The following EHF variants were observed in gnomAD, a reference collection of about 807,000 sequenced individuals.
EHF encodes the protein ETS homologous factor.
A neutral mutation model predicts 45.1 loss-of-function variants in EHF; 14 were observed. That is an observed-to-expected ratio of 0.31 (90% confidence interval 0.21 to 0.49). The LOEUF (loss-of-function observed/expected upper bound fraction) is 0.49, where lower values mean the gene tolerates loss of function less well. Among genes scored for constraint, EHF ranks in the 20% least tolerant of loss-of-function variants. EHF has a pLI of 0.99. For synonymous variants in EHF, 136 were observed against 131.8 expected (o/e 1.03, Z -0.22); for missense variants, 282 against 371.4 (o/e 0.76, Z 1.98).
rs761503844 is a variant in EHF at position 34,658,974 on chromosome 11, A to C, written c.*43A>C. The C allele has an allele frequency of 6.9e-7, 1 of 1,453,976 alleles. No individual in the cohort carries two copies. Among genetic ancestry groups the C allele is most frequent in the Non-Finnish European group, 9.5e-7 (1 of 1,055,836 alleles). The allele number at this position is 1,453,976 out of a possible 1,614,324, so 90.1% of individuals were successfully genotyped here. ...ACACAAACCAAAACACACACCAAAT[A>C]ATCAGAAACAAAGAACTCCTGGACG... On this transcript the variant is annotated 3_prime_UTR_variant, in exon 9 of 9. Coordinates refer to ENST00000257831, the MANE Select transcript of EHF (RefSeq NM_012153.6).
intron 4 of EHF, among the ~76,000 whole-genome samples, chr11:34,650,100 G>T (rs1854991033): frequency 6.6e-6 from 1 of 152,218 alleles, no homozygotes; most frequent in Non-Finnish European, 1.5e-5. Context: ...ATGGATGCAG[G>T]ACTTGGTCAG....
At chr11:34,638,788 G>C (rs896059057) in intron 1 of EHF, among the ~76,000 whole-genome samples, 26 of 152,152 alleles carry the variant, frequency 1.7e-4, no homozygotes, top group Admixed American at 2.0e-4. Context: ...CCCCATCCGA[G>C]GTTCCTGCCT....
chr11:34,645,341 G>T (rs1047586985), intron 2 of EHF, among the ~76,000 whole-genome samples: 1 of 152,108 alleles, frequency 6.6e-6, no homozygotes, highest in Non-Finnish European at 1.5e-5. Context: ...TCTTGTGAAT[G>T]TACCATCTTT....
chr11:34,649,046 C>G lies in EHF; in HGVS notation c.371C>G (p.Ser124Cys), dbSNP rs1854871116. 1 of 1,613,872 alleles carries G rather than the reference C, an allele frequency of 6.2e-7. No homozygotes were observed. Among genetic ancestry groups the G allele is most frequent in the African/African-American group, 1.3e-5 (1 of 74,896 alleles). The stretch of plus-strand genomic sequence containing the variant: ...CAGTGCAGTAGTGACCTGTTCCAGT[C>G]CACACACAATGTCATTGTCAAGACT... The part of the protein sequence containing the change: ...NGQCSSDLFQ[S>C]THNVIVKTEQ... Residue 124 changes from serine to cysteine, a missense_variant, in exon 4 of 9, where the codon TCC (serine) becomes TGC (cysteine). Coordinates refer to ENST00000257831, the MANE Select transcript of EHF (RefSeq NM_012153.6).
intron 3 of EHF, among the ~76,000 whole-genome samples, chr11:34,647,278 G>A (rs1331707611): frequency 6.6e-6 from 1 of 152,188 alleles, no homozygotes; most frequent in Non-Finnish European, 1.5e-5. Context: ...CTAGACACGT[G>A]TATGGGGAAT....
At chr11:34,653,294 C>T (rs757064640) in intron 6 of EHF, among the ~76,000 whole-genome samples, 1 of 152,078 alleles carries the variant, frequency 6.6e-6, no homozygotes, top group African/African-American at 2.4e-5. Context: ...TTGAGGCACC[C>T]GGGAAACAAA....
rs1854590478 is a variant in EHF, at chr11:34,646,756, A to T, written c.343+72A>T. ...TGGAAGAATAGAGATTCTGCAGATG[A>T]CAGGATTCTTTGTCAGGGACAAGAA... is the stretch of plus-strand genomic sequence containing the variant. On this transcript the variant is annotated intron_variant, in intron 3 of 8. Transcript: ENST00000257831. 2.5e-6 allele frequency: 4 copies of T among 1,575,432 alleles called. No homozygotes were observed. The East Asian group carries it at 8.9e-5, about 35-fold the overall frequency.
chr11:34,641,407 T>TC (rs1267069843), intron 1 of EHF, among the ~76,000 whole-genome samples: 1 of 151,998 alleles, frequency 6.6e-6, no homozygotes, highest in African/African-American at 2.4e-5. Flanking sequence ...ACCCCTCTTC[T>TC]CCCCCAATAG....
chr11:34,645,676 C>T (rs1039371562), intron 2 of EHF, among the ~76,000 whole-genome samples: 3 of 152,022 alleles, frequency 2.0e-5, no homozygotes, highest in Middle Eastern at 3.2e-3. Context: ...GGTCAGAGTT[C>T]GAAAGATGGG....
intron 1 of EHF, among the ~76,000 whole-genome samples, chr11:34,638,877 T>C (rs1853709968): frequency 6.6e-6 from 1 of 152,160 alleles, no homozygotes; most frequent in Non-Finnish European, 1.5e-5. Flanking sequence ...TCACTTAGGC[T>C]CTGAACTGGG....
Position 34,646,715 on chromosome 11 carries a change from C to T in EHF, c.343+31C>T, listed in dbSNP as rs758373295. 8 of 1,602,182 alleles carry T rather than the reference C, an allele frequency of 5.0e-6. No homozygotes were observed. In the East Asian group the frequency reaches 1.8e-4, roughly 36 times the overall value. On this transcript the variant is annotated intron_variant, in intron 3 of 8. Transcript: ENST00000257831. ...TCTCTCTTTCTGTGTCTCTCCCTACCCTGCTAGGAGCCAGCTGGAAGAATA... is the reference window on the plus strand; with the variant it reads ...TCTCTCTTTCTGTGTCTCTCCCTACTCTGCTAGGAGCCAGCTGGAAGAATA...
intron 4 of EHF, among the ~76,000 whole-genome samples, chr11:34,650,489 C>A (rs1007738212): frequency 4.6e-5 from 7 of 152,138 alleles, no homozygotes; most frequent in African/African-American, 1.7e-4. Flanking sequence ...GAGGACTTAG[C>A]CAGTAAGTCA....
chr11:34,625,380 T>C (rs1232242892), intron 1 of EHF, among the ~76,000 whole-genome samples: 2 of 152,204 alleles, frequency 1.3e-5, no homozygotes, highest in South Asian at 4.1e-4. Context: ...GTGTCTTCTA[T>C]AAAACGCCAA....
Position 34,659,784 on chromosome 11 carries a change from C to G in EHF, c.*853C>G, listed in dbSNP as rs1462112271. 2.6e-5 allele frequency: 4 copies of G among 152,136 alleles called. No individual in the cohort carries two copies. The highest frequency in any genetic ancestry group is 5.9e-5 in the Non-Finnish European group (4 of 68,018). The allele number at this position is 152,136 out of a possible 1,614,324, so 9.4% of individuals were successfully genotyped here. ...GGCTGAAGAGTTTGCTCTTGTATCC[C>G]TATAGTCCAAGGTTTCTCAATCTGC... is the stretch of plus-strand genomic sequence containing the variant. On this transcript the variant is annotated 3_prime_UTR_variant, in exon 9 of 9. Transcript: ENST00000257831.
At chr11:34,652,092 C>G (rs1855228584) in intron 6 of EHF, among the ~76,000 whole-genome samples, 1 of 152,150 alleles carries the variant, frequency 6.6e-6, no homozygotes, top group South Asian at 2.1e-4. Context: ...AAAACTTACT[C>G]TTGCAATATA....
intron 1 of EHF, among the ~76,000 whole-genome samples, chr11:34,628,873 C>T (rs1353721982): frequency 6.6e-6 from 1 of 152,168 alleles, no homozygotes; most frequent in Non-Finnish European, 1.5e-5. Flanking sequence ...CACGGGGCCC[C>T]ATGCTTAGAA....
chr11:34,623,739 C>T (rs189225808), intron 1 of EHF, among the ~76,000 whole-genome samples: 4 of 152,292 alleles, frequency 2.6e-5, no homozygotes, highest in African/African-American at 4.8e-5. Flanking sequence ...TGGAATCTTG[C>T]GATATTTTAT....
chr11:34,635,344 G>A (rs780071195), intron 1 of EHF, among the ~76,000 whole-genome samples: 3 of 151,906 alleles, frequency 2.0e-5, no homozygotes, highest in Non-Finnish European at 2.9e-5. Flanking sequence ...GCTGAGCAGA[G>A]CCTCCTGGGT....
chr11:34,628,472 A>G (rs1319077339), intron 1 of EHF, among the ~76,000 whole-genome samples: 2 of 152,218 alleles, frequency 1.3e-5, no homozygotes, highest in East Asian at 3.8e-4. Flanking sequence ...CACCTCATTT[A>G]CAGCATTCTC....
Sources: gnomAD v4.1 joint callset for allele counts (sites outside exome capture counted in the v4.1 genomes callset) on GRCh38, gnomAD v4.1.1 for gene constraint, MANE v1.5 for transcripts, NCBI Gene and HGNC (gene_info 2026-07-23, HGNC 2026-07-21) for gene names.